Variants in WWOX observed in about 807,000 individuals in gnomAD.
The protein encoded by WWOX is WW domain-containing oxidoreductase.
WWOX carries 69 observed loss-of-function variants against 46.2 expected under a neutral mutation model. The observed-to-expected ratio is 1.49, with a 90% CI of 1.23 to 1.82. WWOX has a LOEUF of 1.82. WWOX is among the 40% of genes most tolerant of loss of function. The pLI is 0.00. For missense variants in WWOX, 919 were observed against 542.6 expected (o/e 1.69, Z -6.89); for synonymous variants, 359 against 202.6 (o/e 1.77, Z -6.56).
intron 6 of WWOX, among the ~76,000 whole-genome samples, chr16:78,391,412 C>T (rs2082172273): frequency 1.3e-5 from 2 of 152,220 alleles, no homozygotes; most frequent in South Asian, 4.1e-4. Flanking sequence ...GAGCCTAAGA[C>T]ACTTTCTCAA....
At chr16:78,874,800 T>C (rs186605456) in intron 8 of WWOX, among the ~76,000 whole-genome samples, 69 of 141,582 alleles carry the variant, frequency 4.9e-4, no homozygotes, top group Admixed American at 9.9e-4. Context: ...GCCTTCTACA[T>C]AGGAGTATAT....
intron 8 of WWOX, among the ~76,000 whole-genome samples, chr16:79,057,076 G>C (rs60726080): frequency 0.026 from 3,916 of 152,336 alleles, 185 homozygotes; most frequent in African/African-American, 0.09. Flanking sequence ...CCATGGGCCT[G>C]AATTGAAGAG....
intron 8 of WWOX, among the ~76,000 whole-genome samples, chr16:78,809,486 C>G (rs1239721470): frequency 6.6e-6 from 1 of 152,142 alleles, no homozygotes; most frequent in African/African-American, 2.4e-5. Flanking sequence ...AAGCCCATCC[C>G]TCTACCCTGA....
At chr16:78,410,523 C>G (rs746827569) in intron 6 of WWOX, among the ~76,000 whole-genome samples, 1 of 151,970 alleles carries the variant, frequency 6.6e-6, no homozygotes, top group African/African-American at 2.4e-5. Flanking sequence ...AAGATGTCAG[C>G]TGGGGGCTGG....
chr16:78,446,048 T>C (rs1318192088), intron 8 of WWOX, among the ~76,000 whole-genome samples: 2 of 152,230 alleles, frequency 1.3e-5, no homozygotes, highest in Non-Finnish European at 2.9e-5. Context: ...ATTTTGCTTC[T>C]TTTAGATCTG....
chr16:78,669,691 G>C (rs2047415524), intron 8 of WWOX, among the ~76,000 whole-genome samples: 2 of 152,154 alleles, frequency 1.3e-5, no homozygotes, highest in African/African-American at 4.8e-5. Context: ...TTTTGTTTGA[G>C]CTAAAAACTA....
intron 8 of WWOX, among the ~76,000 whole-genome samples, chr16:78,739,753 G>C (rs1217790458): frequency 6.6e-6 from 1 of 152,190 alleles, no homozygotes; most frequent in Non-Finnish European, 1.5e-5. Context: ...GGAGGTTGCA[G>C]TGAGCCGAGA....
intron 2 of WWOX, 99 bp from the exon 3 acceptor site, chr16:78,109,679 G>C (rs571178109): frequency 8.1e-7 from 1 of 1,229,764 alleles, no homozygotes; most frequent in African/African-American, 1.5e-5. Context: ...GGGAGGGACA[G>C]GCTTGGGGGC....
chr16:78,197,840 C>T (rs749056270), intron 5 of WWOX, among the ~76,000 whole-genome samples: 29 of 152,284 alleles, frequency 1.9e-4, no homozygotes, highest in Admixed American at 7.2e-4. Context: ...GATACCTTGG[C>T]AGAAGCAGAA....
intron 8 of WWOX, among the ~76,000 whole-genome samples, chr16:78,902,441 G>T (rs1319544465): frequency 6.6e-6 from 1 of 152,244 alleles, no homozygotes; most frequent in Admixed American, 6.5e-5. Context: ...GGGGCGGGCG[G>T]GAGAGGCAAG....
chr16:78,200,460 C>A (rs937268571), intron 5 of WWOX, among the ~76,000 whole-genome samples: 4 of 150,060 alleles, frequency 2.7e-5, no homozygotes, highest in African/African-American at 9.8e-5. Flanking sequence ...CTCAGTTTCC[C>A]AGCATGTAAA....
intron 8 of WWOX, among the ~76,000 whole-genome samples, chr16:78,657,526 C>T (rs1433234969): frequency 4.6e-5 from 7 of 152,178 alleles, no homozygotes; most frequent in Admixed American, 4.6e-4. Context: ...AATCAGCAGA[C>T]CCAGAGTCTA....
At chr16:78,232,479 G>A (rs557492000) in intron 5 of WWOX, among the ~76,000 whole-genome samples, 2 of 152,286 alleles carry the variant, frequency 1.3e-5, no homozygotes, top group East Asian at 1.9e-4. Context: ...CACAACCAGG[G>A]ACTGTAGAGG....
chr16:78,976,923 C>A (rs1314672508), intron 8 of WWOX, among the ~76,000 whole-genome samples: 1 of 152,160 alleles, frequency 6.6e-6, no homozygotes, highest in African/African-American at 2.4e-5. Flanking sequence ...TTCTCAGGGC[C>A]ATCAGAAAGG....
At chr16:78,107,770 G>A (rs61377917) in intron 1 of WWOX, among the ~76,000 whole-genome samples, 7,821 of 152,186 alleles carry the variant, frequency 0.051, 691 homozygotes, top group African/African-American at 0.18. Flanking sequence ...AGGAGTTCCA[G>A]TCCAGCCTGG....
At chr16:78,833,671 A>G (rs908348345) in intron 8 of WWOX, among the ~76,000 whole-genome samples, 7 of 152,192 alleles carry the variant, frequency 4.6e-5, no homozygotes, top group African/African-American at 9.7e-5. Context: ...GAATATCTAT[A>G]TGGTGCTTAG....
intron 8 of WWOX, among the ~76,000 whole-genome samples, chr16:78,478,626 A>C (rs9934078): frequency 0.41 from 62,153 of 151,920 alleles, 15,884 homozygotes; most frequent in African/African-American, 0.74. Flanking sequence ...TGCATTAATT[A>C]TTCCAGGCCA....
chr16:78,778,299 T>C (rs2050242037), intron 8 of WWOX, among the ~76,000 whole-genome samples: 1 of 152,160 alleles, frequency 6.6e-6, no homozygotes, highest in African/African-American at 2.4e-5. Context: ...TAACCACTGA[T>C]ACGCCGCCAG....
At chr16:78,710,875 C>A (rs1198590763) in intron 8 of WWOX, among the ~76,000 whole-genome samples, 2 of 152,056 alleles carry the variant, frequency 1.3e-5, no homozygotes, top group South Asian at 2.1e-4. Context: ...ACTCGGCCTC[C>A]CAAAGTGCTG....
Sources: gnomAD v4.1 joint callset for allele counts (sites outside exome capture counted in the v4.1 genomes callset) on GRCh38, gnomAD v4.1.1 for gene constraint, MANE v1.5 for transcripts, NCBI Gene and HGNC (gene_info 2026-07-23, HGNC 2026-07-21) for gene names.